HEATR5A: variants seen among roughly 807,000 people sequenced by gnomAD.
HEATR5A encodes the protein HEAT repeat containing 5A, also known as HEAT repeat-containing protein 5A.
A neutral mutation model predicts 218.8 loss-of-function variants in HEATR5A; 178 were observed. The observed-to-expected ratio is 0.81, with a 90% confidence interval of 0.72 to 0.92. The LOEUF (loss-of-function observed/expected upper bound fraction) is 0.92. Among genes scored for constraint, HEATR5A ranks in the 40% least tolerant of loss-of-function variants. HEATR5A has a pLI of 0.00. For synonymous variants in HEATR5A, 864 were observed against 871.6 expected (o/e 0.99, Z 0.15); for missense variants, 2,420 against 2,418.9 (o/e 1.00, Z -0.01).
intron 1 of HEATR5A, among the ~76,000 whole-genome samples, chr14:31,411,010 T>C (rs1370832918): frequency 6.6e-6 from 1 of 152,204 alleles, no homozygotes; most frequent in Admixed American, 6.5e-5. Context: ...ATAATTTGAT[T>C]GAGCTGAGTG....
At chr14:31,403,850 G>A (rs550935888) in intron 1 of HEATR5A, among the ~76,000 whole-genome samples, 1 of 152,290 alleles carries the variant, frequency 6.6e-6, no homozygotes, top group South Asian at 2.1e-4. Context: ...ATAAGTGTAT[G>A]TATATACATA....
rs138920357 is a variant in HEATR5A, at chr14:31,328,077, T to C, written c.3368-1735A>G. ...GATTCTCCTGCCTCAGCCTCTCCAG[T>C]AGCTGGGATTACAGGCATGTGCTAC... On this transcript the variant is annotated intron_variant, in intron 22 of 35. Transcript: ENST00000543095. 9.2e-5 allele frequency among the ~76,000 whole-genome samples: 14 copies of C among 152,244 alleles called. No homozygotes were observed. The East Asian group carries it at 2.7e-3, about 29-fold the overall frequency.
At chr14:31,349,582 T>C (rs1474563748) in intron 18 of HEATR5A, among the ~76,000 whole-genome samples, 1 of 152,206 alleles carries the variant, frequency 6.6e-6, no homozygotes, top group Non-Finnish European at 1.5e-5. Flanking sequence ...TCTTATTATA[T>C]AAAGACTATA....
chr14:31,302,485 G>C lies in HEATR5A; in HGVS notation c.5274C>G (p.Leu1758=), dbSNP rs973429760. ...CAGTCTCTCTGAGGACCCCGATTGTGAGGTACAATATAGTAGGGAGAATTG... is the reference window on the plus strand; with the variant it reads ...CAGTCTCTCTGAGGACCCCGATTGTCAGGTACAATATAGTAGGGAGAATTG... ...SISILPTILY[L]TIGVLRETAV... The change falls in exon 33 of 36, where the codon CTC becomes CTG. Residue 1758 remains leucine, a synonymous_variant. Transcript: ENST00000543095. 1 of 1,587,520 alleles carries C rather than the reference G, an allele frequency of 6.3e-7. No homozygotes were observed. Among genetic ancestry groups the C allele is most frequent in the Admixed American group, 1.8e-5 (1 of 56,426 alleles).
intron 13 of HEATR5A, among the ~76,000 whole-genome samples, chr14:31,367,686 T>A (rs552252973): frequency 1.4e-5 from 2 of 146,568 alleles, no homozygotes; most frequent in Non-Finnish European, 3.0e-5. Context: ...CCCAAAATGA[T>A]AGGATTATAG....
intron 6 of HEATR5A, among the ~76,000 whole-genome samples, chr14:31,391,642 C>T (rs549218600): frequency 2.6e-5 from 4 of 152,288 alleles, no homozygotes; most frequent in South Asian, 2.1e-4. Flanking sequence ...CACATTCACT[C>T]GCCACTCGCT....
At chr14:31,416,759 T>C (rs1336954103) in intron 1 of HEATR5A, among the ~76,000 whole-genome samples, 2 of 152,160 alleles carry the variant, frequency 1.3e-5, no homozygotes, top group African/African-American at 4.8e-5. Context: ...TCCAATAATA[T>C]TCTGTCTGAC....
At chr14:31,379,181 C>G (rs1169366380) in intron 11 of HEATR5A, among the ~76,000 whole-genome samples, 1 of 151,716 alleles carries the variant, frequency 6.6e-6, no homozygotes, top group East Asian at 2.0e-4. Context: ...CTCCTGACCT[C>G]AGATGATCCG....
At chr14:31,336,850 G>A (rs1447368417) in intron 22 of HEATR5A, among the ~76,000 whole-genome samples, 2 of 152,140 alleles carry the variant, frequency 1.3e-5, no homozygotes, top group East Asian at 1.9e-4. Context: ...TGAAGAATGT[G>A]TTGTTAGGCA....
intron 21 of HEATR5A, among the ~76,000 whole-genome samples, chr14:31,342,700 GAGTCCAGAA>G (rs1479870672): frequency 6.6e-6 from 1 of 152,114 alleles, no homozygotes; most frequent in Non-Finnish European, 1.5e-5. Context: ...ACTGAAGGAG[GAGTCCAGAA>G]ACCCACAATG....
At chr14:31,417,054 A>G (rs2031474515) in intron 1 of HEATR5A, among the ~76,000 whole-genome samples, 1 of 152,150 alleles carries the variant, frequency 6.6e-6, no homozygotes, top group Non-Finnish European at 1.5e-5. Flanking sequence ...TCAAAAAATA[A>G]AATAAAATAA....
chr14:31,395,727 C>G (rs1251292771), intron 4 of HEATR5A, among the ~76,000 whole-genome samples: 1 of 152,096 alleles, frequency 6.6e-6, no homozygotes, highest in Non-Finnish European at 1.5e-5. Flanking sequence ...GTTCCTTCAT[C>G]TAAAAAACAG....
intron 13 of HEATR5A, chr14:31,371,513 G>A (rs992175941): frequency 1.5e-5 from 3 of 196,588 alleles, no homozygotes; most frequent in Non-Finnish European, 3.1e-5. Flanking sequence ...TGGTTCTCAC[G>A]AACACAGAAT....
At chr14:31,365,130 C>A (rs544157801) in intron 13 of HEATR5A, among the ~76,000 whole-genome samples, 1 of 152,204 alleles carries the variant, frequency 6.6e-6, no homozygotes, top group South Asian at 2.1e-4. Flanking sequence ...ACCTCAGCCT[C>A]CCAAAGTGCT....
intron 3 of HEATR5A, 98 bp downstream of exon 3, chr14:31,400,203 T>C (rs1165469463): frequency 1.4e-6 from 1 of 693,768 alleles, no homozygotes; most frequent in Non-Finnish European, 2.3e-6. Flanking sequence ...TGAGTTTGCA[T>C]TCAGTTTCAA....
Position 31,393,946 on chromosome 14 carries a change from C to T in HEATR5A, c.772+106G>A, listed in dbSNP as rs962136821. 4 of 795,052 alleles carry T rather than the reference C, an allele frequency of 5.0e-6. No individual in the cohort carries two copies. The Admixed American group carries it at 1.3e-4, about 25-fold the overall frequency. The allele number at this position is 795,052 out of a possible 1,614,324, so 49.2% of individuals were successfully genotyped here. On this transcript the variant is annotated intron_variant, in intron 6 of 35. Transcript: ENST00000543095. Reference sequence around the variant, plus strand: ...TACAGGTGTGAGCCACCATGCCTGGCCTGAAATTGATTTATAACGGGTAGC... The same window carrying T: ...TACAGGTGTGAGCCACCATGCCTGGTCTGAAATTGATTTATAACGGGTAGC...
At chr14:31,315,272 C>T (rs1407748048) in intron 27 of HEATR5A, among the ~76,000 whole-genome samples, 1 of 152,166 alleles carries the variant, frequency 6.6e-6, no homozygotes, top group Non-Finnish European at 1.5e-5. Context: ...ATTAGGTCTA[C>T]TTTTGCAAAT....
At chr14:31,401,256 G>A (rs569162614) in intron 2 of HEATR5A, among the ~76,000 whole-genome samples, 1 of 152,204 alleles carries the variant, frequency 6.6e-6, no homozygotes, top group Admixed American at 6.5e-5. Context: ...TAGATCAAGG[G>A]GGTGGATTTC....
intron 30 of HEATR5A, 104 bp from the exon 31 acceptor site, chr14:31,306,983 G>T: frequency 1.1e-6 from 1 of 947,732 alleles, no homozygotes; most frequent in Non-Finnish European, 1.5e-6. Context: ...AAAACAGAAT[G>T]TAACAAATTG....
Sources: gnomAD v4.1 joint callset for allele counts (sites outside exome capture counted in the v4.1 genomes callset) on GRCh38, gnomAD v4.1.1 for gene constraint, MANE v1.5 for transcripts, NCBI Gene and HGNC (gene_info 2026-07-23, HGNC 2026-07-21) for gene names.